Variants in RBM47 observed in about 807,000 individuals in gnomAD.
RBM47 encodes RNA binding motif protein 47, also known as RNA-binding protein 47.
A neutral mutation model predicts 47.1 loss-of-function variants in RBM47; 21 were observed. The ratio of observed to expected loss-of-function variants is 0.45; its 90% CI spans 0.32 to 0.64. The LOEUF (loss-of-function observed/expected upper bound fraction) is 0.64, where lower values mean the gene tolerates loss of function less well. Among genes scored for constraint, RBM47 ranks in the 30% least tolerant of loss-of-function variants. The pLI is 0.05. For missense variants in RBM47, 708 were observed against 870.9 expected (o/e 0.81, Z 2.35); for synonymous variants, 375 against 361.7 (o/e 1.04, Z -0.42).
At chr4:40,436,848 A>C (rs1044114890) in intron 4 of RBM47, 1 of 697,124 alleles carries the variant, frequency 1.4e-6, no homozygotes, top group Non-Finnish European at 2.6e-6. Flanking sequence ...TTCTTAGTAC[A>C]AGAGGCAAAC....
At chr4:40,508,879 G>A (rs968939040) in intron 2 of RBM47, among the ~76,000 whole-genome samples, 14 of 152,176 alleles carry the variant, frequency 9.2e-5, no homozygotes, top group Middle Eastern at 3.4e-3. Context: ...ATATGTTTTC[G>A]GCCAGGCGCA....
Position 40,507,517 on chromosome 4 carries a change from G to A in RBM47, c.-155+36905C>T, listed in dbSNP as rs536891433. On this transcript the variant is annotated intron_variant, in intron 2 of 6. Coordinates refer to ENST00000295971, the MANE Select transcript of RBM47 (RefSeq NM_001098634.2). ...AAATTCCAGAGTTACGGCTGGGCGC[G>A]GTGGCTCACGCCTGTAATCCCAACA... 4.8e-4 allele frequency among the ~76,000 whole-genome samples: 73 copies of A among 152,264 alleles called. 1 individual carries two copies. The highest frequency in any genetic ancestry group is 1.5e-3 in the African/African-American group (63 of 41,556).
At chr4:40,466,808 A>G (rs1025760028) in intron 2 of RBM47, 109 bp from the exon 3 acceptor site, 2 of 139,838 alleles carry the variant, frequency 1.4e-5, no homozygotes, top group African/African-American at 5.2e-5. Context: ...GTAGTTCCTA[A>G]GCATAATAAT....
chr4:40,498,262 C>T (rs190733476), intron 2 of RBM47, among the ~76,000 whole-genome samples: 6 of 151,724 alleles, frequency 4.0e-5, no homozygotes, highest in Non-Finnish European at 8.8e-5. Context: ...TAATGCACAC[C>T]CCAGAATACT....
intron 1 of RBM47, among the ~76,000 whole-genome samples, chr4:40,574,896 A>T (rs190008608): frequency 7.0e-4 from 107 of 152,270 alleles, no homozygotes; most frequent in East Asian, 3.9e-3. Context: ...GGAGGAAAAG[A>T]ACAAAAAATG....
At chr4:40,511,187 C>A (rs1382929202) in intron 2 of RBM47, among the ~76,000 whole-genome samples, 1 of 152,234 alleles carries the variant, frequency 6.6e-6, no homozygotes, top group Non-Finnish European at 1.5e-5. Context: ...ACTTTTCTGG[C>A]ACAGCCGCCA....
intron 2 of RBM47, among the ~76,000 whole-genome samples, chr4:40,470,104 T>C (rs1315829527): frequency 1.3e-5 from 2 of 152,216 alleles, no homozygotes; most frequent in East Asian, 1.9e-4. Flanking sequence ...TGGAGGAAAC[T>C]GTCTTACCAA....
chr4:40,569,557 C>A lies in RBM47; in HGVS notation c.-239-25051G>T, dbSNP rs972772133. On this transcript the variant is annotated intron_variant, in intron 1 of 6. Transcript: ENST00000295971. ...CCCGAGTAGCTGGGACTACAGGCGC[C>A]CACCACCACACCCGGCTAATTTTTT... 4.0e-5 allele frequency among the ~76,000 whole-genome samples: 6 copies of A among 148,882 alleles called. No individual in the cohort carries two copies. In the South Asian group the frequency reaches 6.4e-4, roughly 16 times the overall value.
Position 40,571,784 on chromosome 4 carries a change from C to T in RBM47, c.-239-27278G>A, listed in dbSNP as rs151078902. Reference sequence around the variant, plus strand: ...CCTGTAATCCTAGTACTTTGGGAGGCTGAGGCAGGCGGTCACTTGAGGTCA... The same window carrying T: ...CCTGTAATCCTAGTACTTTGGGAGGTTGAGGCAGGCGGTCACTTGAGGTCA... On this transcript the variant is annotated intron_variant, in intron 1 of 6. Coordinates refer to ENST00000295971, the MANE Select transcript of RBM47 (RefSeq NM_001098634.2). Among the ~76,000 whole-genome samples, 780 of 151,868 alleles carry T rather than the reference C, an allele frequency of 5.1e-3. 13 individuals are homozygous for T. Among genetic ancestry groups the T allele is most frequent in the Admixed American group, 6.8e-3 (103 of 15,256 alleles).
intron 1 of RBM47, among the ~76,000 whole-genome samples, chr4:40,549,091 C>A (rs1292675753): frequency 1.3e-5 from 2 of 149,050 alleles, no homozygotes; most frequent in Non-Finnish European, 2.9e-5. Context: ...CATGACTGTA[C>A]CTCAGTTTCT....
intron 1 of RBM47, among the ~76,000 whole-genome samples, chr4:40,606,166 C>T (rs955470865): frequency 2.0e-5 from 3 of 150,600 alleles, no homozygotes; most frequent in Non-Finnish European, 3.0e-5. Context: ...TTACTGCACT[C>T]CAGCCTGGGT....
chr4:40,579,379 G>A (rs1174334413), intron 1 of RBM47, among the ~76,000 whole-genome samples: 1 of 131,400 alleles, frequency 7.6e-6, no homozygotes, highest in African/African-American at 3.0e-5. Flanking sequence ...TCGAGATCAT[G>A]CCACTATACT....
chr4:40,617,214 T>G (rs1288965067), intron 1 of RBM47, among the ~76,000 whole-genome samples: 1 of 152,170 alleles, frequency 6.6e-6, no homozygotes, highest in Non-Finnish European at 1.5e-5. Flanking sequence ...TTACTTGTTA[T>G]GTGGGATGAA....
intron 2 of RBM47, among the ~76,000 whole-genome samples, chr4:40,470,603 C>T (rs940639523): frequency 2.6e-5 from 4 of 152,146 alleles, no homozygotes; most frequent in Admixed American, 6.5e-5. Flanking sequence ...ATTTATTTTT[C>T]GGAAAAAGAT....
At chr4:40,626,454 G>C (rs1737745470) in intron 1 of RBM47, among the ~76,000 whole-genome samples, 1 of 152,202 alleles carries the variant, frequency 6.6e-6, no homozygotes, top group African/African-American at 2.4e-5. Context: ...ACAGTTGCTA[G>C]TTTACCTGCA....
In RBM47 at chr4:40,425,822, T is replaced by A. The variant is rs534663983; in HGVS notation, c.*82A>T. On this transcript the variant is annotated 3_prime_UTR_variant, in exon 7 of 7. Coordinates refer to ENST00000295971, the MANE Select transcript of RBM47 (RefSeq NM_001098634.2). ...TTCACTTTCAGGTTGCATGTGTGAATCCAACATGTTCCTTCTTCATAAATA... is the reference window on the plus strand; with the variant it reads ...TTCACTTTCAGGTTGCATGTGTGAAACCAACATGTTCCTTCTTCATAAATA... 1 of 1,522,584 alleles carries A rather than the reference T, an allele frequency of 6.6e-7. No individual in the cohort carries two copies. Among genetic ancestry groups the A allele is most frequent in the African/African-American group, 1.4e-5 (1 of 72,764 alleles). 94.3% of individuals were successfully genotyped at this position (1,522,584 alleles called of 1,614,324 possible). A position where few individuals can be genotyped will look rare whatever the true frequency, so the allele number is the denominator to read the frequency against.
chr4:40,558,158 C>T (rs1195116540), intron 1 of RBM47, among the ~76,000 whole-genome samples: 1 of 152,076 alleles, frequency 6.6e-6, no homozygotes, highest in African/African-American at 2.4e-5. Flanking sequence ...AAAACTGAAG[C>T]TCAGAGAAAT....
intron 6 of RBM47, among the ~76,000 whole-genome samples, chr4:40,429,363 C>G (rs1293102223): frequency 6.6e-6 from 1 of 151,878 alleles, no homozygotes; most frequent in Non-Finnish European, 1.5e-5. Context: ...AAGAAATTTT[C>G]TATCTGTGAA....
At chr4:40,496,790 A>G (rs1722653812) in intron 2 of RBM47, among the ~76,000 whole-genome samples, 1 of 152,232 alleles carries the variant, frequency 6.6e-6, no homozygotes, top group African/African-American at 2.4e-5. Context: ...CTGTAATCCC[A>G]GCACTTTGGG....
Sources: gnomAD v4.1 joint callset for allele counts (sites outside exome capture counted in the v4.1 genomes callset) on GRCh38, gnomAD v4.1.1 for gene constraint, MANE v1.5 for transcripts, NCBI Gene and HGNC (gene_info 2026-07-23, HGNC 2026-07-21) for gene names.